Variants in TRIO observed in about 807,000 individuals in gnomAD.
The protein encoded by TRIO is trio Rho guanine nucleotide exchange factor, also known as triple functional domain protein.
Under a neutral mutation model 351.9 loss-of-function variants are expected in TRIO, and 58 were observed. The observed-to-expected ratio is 0.16, with a 90% confidence interval of 0.13 to 0.21. TRIO has a LOEUF of 0.21. Ranked by LOEUF, TRIO falls within the 10% of genes least tolerant of loss-of-function variation. The probability of loss-of-function intolerance (pLI) is 1.00; values close to 1 mark genes in which losing one functional copy is unlikely to be tolerated. For synonymous variants in TRIO, 1,758 were observed against 1,595.7 expected, an observed-to-expected ratio of 1.10 and a Z score of -2.42; for missense variants, 3,201 against 4,027.8, an observed-to-expected ratio of 0.79 and a Z score of 5.56.
At chr5:14,322,731 C>T (rs1228576021) in intron 9 of TRIO, among the ~76,000 whole-genome samples, 1 of 152,196 alleles carries the variant, frequency 6.6e-6, no homozygotes, top group East Asian at 1.9e-4. Context: ...TCATCAGAAT[C>T]ATATAGCCCT....
rs1793079776 is a variant in TRIO, at chr5:14,226,901, CTGCAGCTCTCCTCCCTGGCTTT to C, written c.158-43919_158-43898del. On this transcript the variant is annotated intron_variant, in intron 1 of 56. Coordinates refer to ENST00000344204, the MANE Select transcript of TRIO (RefSeq NM_007118.4). ...CTGCAGCTCTCCTCCTCCCTGGTTT[CTGCAGCTCTCCTCCCTGGCTTT>C]TGCATTGCCCTGTGCTTAAAGTAGG... Among the ~76,000 whole-genome samples the C allele has an allele frequency of 2.0e-5, 3 of 151,556 alleles. 1 individual carries two copies. In the South Asian group the frequency reaches 6.3e-4, roughly 32 times the overall value.
rs1756975567 is a variant in TRIO at position 14,497,411 on chromosome 5, C to T, written c.8019+394C>T. 1.3e-5 allele frequency among the ~76,000 whole-genome samples: 2 copies of T among 152,212 alleles called. No individual in the cohort carries two copies. Among genetic ancestry groups the T allele is most frequent in the South Asian group, 4.1e-4 (2 of 4,826 alleles). On this transcript the variant is annotated intron_variant, in intron 50 of 56. Coordinates refer to ENST00000344204, the MANE Select transcript of TRIO (RefSeq NM_007118.4). The surrounding 1 kb of genome is among the most constrained non-coding windows in gnomAD (Gnocchi z 4.4). Reference sequence around the variant, plus strand: ...CTAGATGTGGGGGTGCATATGGGCTCTCTGGCTGTGACAGATCCCCTTGGG... The same window carrying T: ...CTAGATGTGGGGGTGCATATGGGCTTTCTGGCTGTGACAGATCCCCTTGGG...
chr5:14,253,857 A>G (rs990452971), intron 1 of TRIO, among the ~76,000 whole-genome samples: 4 of 152,210 alleles, frequency 2.6e-5, no homozygotes, highest in African/African-American at 9.7e-5. Context: ...GCTACCTGAC[A>G]TGTGACATCA....
At chr5:14,162,969 G>C (rs1788560874) in intron 1 of TRIO, among the ~76,000 whole-genome samples, 1 of 152,036 alleles carries the variant, frequency 6.6e-6, no homozygotes, top group Non-Finnish European at 1.5e-5. Context: ...ACCATGCCTG[G>C]CTAATTTTTA....
At chr5:14,311,477 A>G (rs1738928558) in intron 8 of TRIO, among the ~76,000 whole-genome samples, 1 of 152,216 alleles carries the variant, frequency 6.6e-6, no homozygotes, top group South Asian at 2.1e-4. Context: ...CGTTGGGAAC[A>G]CACATGACCT....
intron 1 of TRIO, among the ~76,000 whole-genome samples, chr5:14,198,610 C>A (rs575005845): frequency 6.6e-6 from 1 of 152,168 alleles, no homozygotes; most frequent in African/African-American, 2.4e-5. Context: ...GGGTGATTTC[C>A]TTGCTAACAT....
intron 21 of TRIO, among the ~76,000 whole-genome samples, chr5:14,385,548 A>T (rs1181626067): frequency 6.6e-6 from 1 of 152,230 alleles, no homozygotes; most frequent in African/African-American, 2.4e-5. Flanking sequence ...ATGAGAGAGA[A>T]AAATACTTAT....
intron 1 of TRIO, among the ~76,000 whole-genome samples, chr5:14,172,082 TTCTC>T (rs1164767996): frequency 6.6e-6 from 1 of 152,224 alleles, no homozygotes; most frequent in African/African-American, 2.4e-5. Context: ...TGCCAATCTG[TTCTC>T]TCTCTTTCTA....
At chr5:14,326,439 A>G (rs1425163239) in intron 9 of TRIO, among the ~76,000 whole-genome samples, 1 of 152,202 alleles carries the variant, frequency 6.6e-6, no homozygotes, top group African/African-American at 2.4e-5. Context: ...CTTTGGAACA[A>G]CCGTGACCTT....
rs1449757752 is a variant in TRIO, at chr5:14,500,687, A to C, written c.8333-1892A>C. ...CAGGTAGCCATGGCTTGAGCCCAGG[A>C]GTTAGAGACCAGCAACATGGCAAAA... On this transcript the variant is annotated intron_variant, in intron 53 of 56. Transcript: ENST00000344204. 2.6e-5 allele frequency among the ~76,000 whole-genome samples: 4 copies of C among 152,128 alleles called. No homozygotes were observed. In the East Asian group the frequency reaches 7.7e-4, roughly 29 times the overall value.
rs549014242 is a variant in TRIO, at chr5:14,151,316, C to T, written c.157+7434C>T. On this transcript the variant is annotated intron_variant, in intron 1 of 56. Transcript: ENST00000344204. ...GAGAAAAACACAGTTCAAATTTACA[C>T]GTATAATCCTAAAATATTTTTAAAT... Among the ~76,000 whole-genome samples the T allele has an allele frequency of 3.7e-4, 56 of 152,044 alleles. No homozygotes were observed. The South Asian group carries it at 4.4e-3, about 12-fold the overall frequency.
At chr5:14,400,919 A>G (rs780531660) in intron 30 of TRIO, 44 bp from the exon 31 acceptor site, 5 of 1,586,424 alleles carry the variant, frequency 3.2e-6, no homozygotes, top group Non-Finnish European at 4.3e-6. Flanking sequence ...GCATCCTTCT[A>G]GAATTTTACT....
intron 11 of TRIO, among the ~76,000 whole-genome samples, chr5:14,354,314 A>G (rs1425353129): frequency 1.3e-5 from 2 of 152,320 alleles, no homozygotes; most frequent in Non-Finnish European, 2.9e-5. Context: ...TTTTTAAAAA[A>G]GCGTTTTTGT....
At position 14,290,976 on chromosome 5, in the gene TRIO, G is replaced by C; in HGVS notation, c.801G>C (p.Val267=). 6.2e-7 allele frequency: 1 copy of C among 1,614,184 alleles called. No homozygotes were observed. The change falls in exon 5 of 57, where the codon GTG becomes GTC. Residue 267 remains valine, a synonymous_variant. Transcript: ENST00000344204. The part of the protein sequence containing the change: ...IEEHSQLKKK[V]IKAPIEDLDL... ...AACATTCTCAGCTGAAGAAGAAGGTGATTAAGGCCCCCATCGAGGACCTGG... is the reference window on the plus strand; with the variant it reads ...AACATTCTCAGCTGAAGAAGAAGGTCATTAAGGCCCCCATCGAGGACCTGG...
At chr5:14,258,742 C>T (rs1795168346) in intron 1 of TRIO, among the ~76,000 whole-genome samples, 4 of 152,194 alleles carry the variant, frequency 2.6e-5, no homozygotes, top group Admixed American at 1.3e-4. Flanking sequence ...CAGTACCAGC[C>T]CAGTTGCCTC....
In TRIO at chr5:14,420,035, G is replaced by A. The variant is rs761606051; in HGVS notation, c.5203+14G>A. 1 of 1,606,304 alleles carries A rather than the reference G, an allele frequency of 6.2e-7. No homozygotes were observed. The highest frequency in any genetic ancestry group is 1.3e-5 in the African/African-American group (1 of 74,820). ...TCAACCACAAAGGTAGGAATCAGTGGGGCATGGGTGGCAGACCCCTACTGG... is the reference window on the plus strand; with the variant it reads ...TCAACCACAAAGGTAGGAATCAGTGAGGCATGGGTGGCAGACCCCTACTGG... On this transcript the variant is annotated intron_variant, in intron 34 of 56. Coordinates refer to ENST00000344204, the MANE Select transcript of TRIO (RefSeq NM_007118.4).
chr5:14,495,366 A>G (rs562215673), intron 49 of TRIO, among the ~76,000 whole-genome samples: 23 of 152,344 alleles, frequency 1.5e-4, no homozygotes, highest in African/African-American at 5.5e-4. Context: ...AGAATATTAC[A>G]TAAACTTAGT....
chr5:14,322,239 T>G (rs1013498360), intron 9 of TRIO, among the ~76,000 whole-genome samples: 3 of 152,234 alleles, frequency 2.0e-5, no homozygotes, highest in African/African-American at 7.2e-5. Flanking sequence ...AATTAAAGAT[T>G]CTTTGGGGTT....
chr5:14,282,575 AC>A (rs58145172), intron 3 of TRIO, among the ~76,000 whole-genome samples: 11,665 of 152,138 alleles, frequency 0.077, 1,505 homozygotes, highest in African/African-American at 0.27. Flanking sequence ...TAAAAAAAAA[AC>A]CTTTTTTTTG....
Sources: gnomAD v4.1 joint callset for allele counts (sites outside exome capture counted in the v4.1 genomes callset) on GRCh38, gnomAD v4.1.1 for gene constraint, Gnocchi (gnomAD v3.1) non-coding constraint, MANE v1.5 for transcripts, NCBI Gene and HGNC (gene_info 2026-07-23, HGNC 2026-07-21) for gene names.